The following WDR33 variants were observed in gnomAD, a reference collection of about 807,000 sequenced individuals.
The protein encoded by WDR33 is pre-mRNA 3' end processing protein WDR33.
Under a neutral mutation model 164.9 loss-of-function variants are expected in WDR33, and 47 were observed. That is an observed-to-expected ratio of 0.29 (90% CI 0.23 to 0.36). The LOEUF (loss-of-function observed/expected upper bound fraction) is 0.36. Among genes scored for constraint, WDR33 ranks in the 10% least tolerant of loss-of-function variants. The pLI, the probability that WDR33 is intolerant of heterozygous loss-of-function variation, is 1.00. For synonymous variants in WDR33, 505 were observed against 589.0 expected (o/e 0.86, Z 2.06); for missense variants, 1,137 against 1,754.1 (o/e 0.65, Z 6.28).
In WDR33 at chr2:127,706,996, G is replaced by A. The variant is rs112887929; in HGVS notation, c.3782-444C>T. On this transcript the variant is annotated intron_variant, in intron 21 of 21. Transcript: ENST00000322313. This position sits in a 1 kb window ranked among gnomAD's most constrained non-coding sequence, Gnocchi z 5.1. ...AAAAAGTGCTCCAACTAGGACAAGCGTTCACTGGGACTGTCCCGTGACATG... is the reference window on the plus strand; with the variant it reads ...AAAAAGTGCTCCAACTAGGACAAGCATTCACTGGGACTGTCCCGTGACATG... Among the ~76,000 whole-genome samples, 128 of 152,332 alleles carry A rather than the reference G, an allele frequency of 8.4e-4. No individual in the cohort carries two copies. Among genetic ancestry groups the A allele is most frequent in the African/African-American group, 2.7e-3 (112 of 41,582 alleles).
chr2:127,711,659 G>A (rs992745094), intron 18 of WDR33, among the ~76,000 whole-genome samples: 46 of 146,456 alleles, frequency 3.1e-4, no homozygotes, highest in African/African-American at 1.1e-3. Flanking sequence ...CCTTAGCCCC[G>A]ACTATGTCAT....
chr2:127,719,416 C>A lies in WDR33; in HGVS notation c.2609G>T (p.Gly870Val). The stretch of plus-strand genomic sequence containing the variant: ...TTGCATGCCACCCTGGGGTGGAGGT[C>A]CTAAAGAGCCCTGGGGCGGCCCCTG... ...SQQGPPQGSL[G>V]PPPQGGMQGP... The change falls in exon 16 of 22, where the codon GGA (glycine) becomes GTA (valine). Residue 870 changes from glycine (G) to valine (V), a missense_variant. By Grantham distance (109) the Gly-to-Val change is moderately radical. This residue lies in a region of WDR33 where 867 missense variants were observed against 1,073.0 expected (regional missense o/e 0.81). Transcript: ENST00000322313. This position sits in a 1 kb window ranked among gnomAD's most constrained non-coding sequence, Gnocchi z 6.5. 1 of 1,540,760 alleles carries A rather than the reference C, an allele frequency of 6.5e-7. No homozygotes were observed. Among genetic ancestry groups the A allele is most frequent in the South Asian group, 1.3e-5 (1 of 78,400 alleles).
At chr2:127,729,994 C>T (rs72846251) in intron 7 of WDR33, among the ~76,000 whole-genome samples, 9,850 of 152,142 alleles carry the variant, frequency 0.065, 441 homozygotes, top group Middle Eastern at 0.16. Flanking sequence ...AAATGCATAC[C>T]ATGTGTGTCT....
At chr2:127,762,256 A>G (rs1327804573) in intron 7 of WDR33, among the ~76,000 whole-genome samples, 1 of 152,214 alleles carries the variant, frequency 6.6e-6, no homozygotes, top group African/African-American at 2.4e-5. Flanking sequence ...CAAAAGGTTC[A>G]AATTAAGCAC....
intron 4 of WDR33, among the ~76,000 whole-genome samples, chr2:127,765,588 C>A (rs559852531): frequency 3.3e-5 from 5 of 152,166 alleles, no homozygotes; most frequent in Admixed American, 6.5e-5. Context: ...ACCTCATTTC[C>A]CTAGGCTATA....
chr2:127,746,580 AGAC>A (rs1468544455), intron 7 of WDR33, among the ~76,000 whole-genome samples: 8 of 152,198 alleles, frequency 5.3e-5, no homozygotes, highest in African/African-American at 1.9e-4. Context: ...TCTCCTTTAC[AGAC>A]GAGGAGAGGC....
chr2:127,704,419 G>A lies in WDR33; in HGVS notation c.*1904C>T, dbSNP rs567524152. On this transcript the variant is annotated 3_prime_UTR_variant, in exon 22 of 22. Coordinates refer to ENST00000322313, the MANE Select transcript of WDR33 (RefSeq NM_018383.5). ...AAAATTTTTCCACTAGAATCTCAGG[G>A]AAAAAAAGTCTAATCTTGATATGGG... 2 of 166,766 alleles carry A rather than the reference G, an allele frequency of 1.2e-5. No individual in the cohort carries two copies. The highest frequency in any genetic ancestry group is 1.5e-5 in the Non-Finnish European group (1 of 68,060). The allele number at this position is 166,766 out of a possible 1,614,324, so 10.3% of individuals were successfully genotyped here.
intron 1 of WDR33, among the ~76,000 whole-genome samples, chr2:127,777,448 A>G (rs6756562): frequency 0.33 from 49,909 of 152,114 alleles, 9,354 homozygotes; most frequent in African/African-American, 0.51. Flanking sequence ...CAAGAAAACC[A>G]GGAAGGCCAG....
rs142264681 is a variant in WDR33 at position 127,795,164 on chromosome 2, G to C, written c.-24+15848C>G. On this transcript the variant is annotated intron_variant, in intron 1 of 21. Coordinates refer to ENST00000322313, the MANE Select transcript of WDR33 (RefSeq NM_018383.5). ...TGCCCAGGCTGGAGTGCAATGGTGCGATCTCGGCTTACTGCAACCTCTGCC... is the reference window on the plus strand; with the variant it reads ...TGCCCAGGCTGGAGTGCAATGGTGCCATCTCGGCTTACTGCAACCTCTGCC... Among the ~76,000 whole-genome samples, 541 of 147,134 alleles carry C rather than the reference G, an allele frequency of 3.7e-3. 8 individuals carry two copies. The highest frequency in any genetic ancestry group is 0.013 in the African/African-American group (489 of 39,028).
intron 8 of WDR33, among the ~76,000 whole-genome samples, chr2:127,725,704 A>C (rs184364052): frequency 6.6e-6 from 1 of 151,392 alleles, no homozygotes; most frequent in African/African-American, 2.4e-5. Context: ...AATGCACTCT[A>C]GTCTGGGTGA....
chr2:127,728,458 G>C (rs563512486), intron 7 of WDR33, among the ~76,000 whole-genome samples: 1 of 152,050 alleles, frequency 6.6e-6, no homozygotes, highest in Non-Finnish European at 1.5e-5. Flanking sequence ...GCTGGAAGGT[G>C]GTATTGATTC....
At chr2:127,807,438 GCA>G (rs1689480007) in intron 1 of WDR33, among the ~76,000 whole-genome samples, 1 of 152,176 alleles carries the variant, frequency 6.6e-6, no homozygotes, top group Admixed American at 6.5e-5. Flanking sequence ...ACTGCCTAAA[GCA>G]CAGTTTTGCA....
intron 7 of WDR33, among the ~76,000 whole-genome samples, chr2:127,743,657 G>A (rs1170483496): frequency 6.6e-6 from 1 of 152,156 alleles, no homozygotes; most frequent in East Asian, 1.9e-4. Flanking sequence ...ACATTGAGAG[G>A]CACAGATTTC....
chr2:127,805,400 CAA>C (rs1279456159), intron 1 of WDR33, among the ~76,000 whole-genome samples: 2 of 151,846 alleles, frequency 1.3e-5, no homozygotes, highest in African/African-American at 4.8e-5. Flanking sequence ...GTATTTTTGC[CAA>C]AAATATTTGA....
intron 7 of WDR33, among the ~76,000 whole-genome samples, chr2:127,751,337 A>G (rs1476209367): frequency 6.6e-6 from 1 of 150,408 alleles, no homozygotes; most frequent in African/African-American, 2.4e-5. Flanking sequence ...CTCCAGCCTG[A>G]GTGACAGAGC....
chr2:127,798,687 CCAAA>C (rs1402323849), intron 1 of WDR33, among the ~76,000 whole-genome samples: 3 of 151,874 alleles, frequency 2.0e-5, no homozygotes, highest in Non-Finnish European at 4.4e-5. Flanking sequence ...ATATTTCCCT[CCAAA>C]CAAGTCAGTT....
chr2:127,762,928 G>A (rs1309502721), intron 7 of WDR33, 134 bp downstream of exon 7: 1 of 1,441,012 alleles, frequency 6.9e-7, no homozygotes, highest in Non-Finnish European at 9.1e-7. Context: ...GGGTTTTTTT[G>A]AAGAGCCTGA....
In WDR33 at chr2:127,722,524, A is replaced by G; in HGVS notation, c.1518+67T>C. 1 of 1,573,438 alleles carries G rather than the reference A, an allele frequency of 6.4e-7. No individual in the cohort carries two copies. Among genetic ancestry groups the G allele is most frequent in the Non-Finnish European group, 8.6e-7 (1 of 1,162,720 alleles). ...AACACCTTCAACAGTGAGATAATCC[A>G]AGAGAAACCTCAAACTAACCAACCA... is the stretch of plus-strand genomic sequence containing the variant. On this transcript the variant is annotated intron_variant, in intron 14 of 21. Transcript: ENST00000322313. The surrounding 1 kb of genome is among the most constrained non-coding windows in gnomAD (Gnocchi z 5.1).
At chr2:127,711,762 ATATATATATATATATATATT>A (rs1686172373) in intron 18 of WDR33, among the ~76,000 whole-genome samples, 2 of 74,276 alleles carry the variant, frequency 2.7e-5, no homozygotes, top group African/African-American at 1.3e-4. Flanking sequence ...ATATATATAT[ATATATATATATATATATATT>A]TTTTTTTTGA....
Sources: allele counts gnomAD v4.1 joint callset (sites outside exome capture counted in the v4.1 genomes callset), GRCh38; gene constraint gnomAD v4.1.1; regional missense constraint gnomAD v4.1.1; non-coding constraint Gnocchi (gnomAD v3.1); transcripts MANE v1.5; gene names NCBI Gene and HGNC (gene_info 2026-07-23, HGNC 2026-07-21).